The following PCDH15 variants were observed in gnomAD, a reference collection of about 807,000 sequenced individuals.
PCDH15 encodes the protein protocadherin-15.
In PCDH15, 129 loss-of-function variants were observed where a neutral mutation model predicts 178.5. The ratio of observed to expected loss-of-function variants is 0.72; its 90% CI spans 0.63 to 0.84. PCDH15 has a LOEUF of 0.84. Ranked by LOEUF, PCDH15 falls within the 40% of genes least tolerant of loss-of-function variation. The pLI, the probability that PCDH15 is intolerant of heterozygous loss-of-function variation, is 0.00. For synonymous variants in PCDH15, 800 were observed against 732.0 expected, an observed-to-expected ratio of 1.09 and a Z score of -1.50; for missense variants, 2,230 against 2,099.9, an observed-to-expected ratio of 1.06 and a Z score of -1.21.
chr10:55,241,635 C>T (rs1054487195), intron 1 of PCDH15, among the ~76,000 whole-genome samples: 7 of 152,070 alleles, frequency 4.6e-5, no homozygotes, highest in African/African-American at 1.7e-4. Context: ...GTTGCTCAGG[C>T]TGGTCTCAAA....
intron 32 of PCDH15, chr10:53,821,739 C>G: frequency 6.5e-7 from 1 of 1,533,976 alleles, no homozygotes; most frequent in Non-Finnish European, 8.7e-7. Flanking sequence ...AGAAAAAAAA[C>G]TGCATTTCAT....
At chr10:53,887,671 G>A (rs2610861) in intron 26 of PCDH15, among the ~76,000 whole-genome samples, 1,863 of 152,148 alleles carry the variant, frequency 0.012, 30 homozygotes, top group African/African-American at 0.042. Flanking sequence ...GGCGGATCAC[G>A]AGGTCAGGAG....
At chr10:55,275,608 T>C (rs1842571681) in intron 1 of PCDH15, among the ~76,000 whole-genome samples, 1 of 151,946 alleles carries the variant, frequency 6.6e-6, no homozygotes, top group Admixed American at 6.6e-5. Flanking sequence ...TTCTTTTTTG[T>C]TTCATTGAAC....
At chr10:54,669,357 T>G (rs920892116) in intron 1 of PCDH15, among the ~76,000 whole-genome samples, 1 of 151,438 alleles carries the variant, frequency 6.6e-6, no homozygotes, top group South Asian at 2.1e-4. Flanking sequence ...TGTATAAGTT[T>G]ATATCATATA....
At chr10:55,036,294 C>G (rs1840732287) in intron 2 of PCDH15, among the ~76,000 whole-genome samples, 1 of 152,132 alleles carries the variant, frequency 6.6e-6, no homozygotes, top group Admixed American at 6.6e-5. Flanking sequence ...TACAAATTAC[C>G]TAGACTGTAG....
At chr10:55,418,354 G>T (rs927725540) in intron 2 of PCDH15, among the ~76,000 whole-genome samples, 1 of 151,700 alleles carries the variant, frequency 6.6e-6, no homozygotes, top group Non-Finnish European at 1.5e-5. Flanking sequence ...GAAAGTCAGG[G>T]CACTGATACT....
At chr10:55,597,872 G>A (rs61569268) in intron 2 of PCDH15, among the ~76,000 whole-genome samples, 47,672 of 151,738 alleles carry the variant, frequency 0.31, 7,701 homozygotes, top group African/African-American at 0.39. Flanking sequence ...AGATGGGTCC[G>A]CAAAACCCCA....
At chr10:55,427,139 C>T (rs1838777099) in intron 2 of PCDH15, among the ~76,000 whole-genome samples, 1 of 152,168 alleles carries the variant, frequency 6.6e-6, no homozygotes, top group Non-Finnish European at 1.5e-5. Context: ...CTCCCTGCCT[C>T]CTGTCCCTAT....
chr10:54,272,906 C>T (rs2058130260), intron 8 of PCDH15, among the ~76,000 whole-genome samples: 1 of 151,986 alleles, frequency 6.6e-6, no homozygotes, highest in African/African-American at 2.4e-5. Flanking sequence ...AGAATATTTT[C>T]TAAAAAATGA....
At chr10:55,222,384 T>C (rs1054732720) in intron 1 of PCDH15, among the ~76,000 whole-genome samples, 1 of 151,934 alleles carries the variant, frequency 6.6e-6, no homozygotes, top group Non-Finnish European at 1.5e-5. Context: ...AAAATACATG[T>C]CAAACTTTGT....
At chr10:55,034,879 T>A (rs1259787712) in intron 2 of PCDH15, among the ~76,000 whole-genome samples, 1 of 152,156 alleles carries the variant, frequency 6.6e-6, no homozygotes, top group East Asian at 1.9e-4. Context: ...TTCATATAAA[T>A]ATCTAACATT....
intron 18 of PCDH15, among the ~76,000 whole-genome samples, chr10:54,029,802 T>A (rs1057060150): frequency 2.0e-5 from 3 of 152,164 alleles, no homozygotes; most frequent in Admixed American, 1.3e-4. Flanking sequence ...AATGGTCTGT[T>A]ACACAATTCT....
At chr10:55,017,464 A>T (rs1460938051) in intron 2 of PCDH15, among the ~76,000 whole-genome samples, 2 of 152,180 alleles carry the variant, frequency 1.3e-5, no homozygotes, top group African/African-American at 4.8e-5. Context: ...TAAGTTCAGT[A>T]TCTCCAGAGA....
intron 1 of PCDH15, among the ~76,000 whole-genome samples, chr10:54,714,264 T>C (rs766160423): frequency 3.9e-5 from 6 of 152,124 alleles, no homozygotes; most frequent in Non-Finnish European, 7.4e-5. Context: ...CTGGTGTCTC[T>C]AAACAGCTCC....
intron 3 of PCDH15, among the ~76,000 whole-genome samples, chr10:54,501,339 T>C (rs11004340): frequency 0.16 from 23,913 of 151,932 alleles, 2,103 homozygotes; most frequent in East Asian, 0.35. Flanking sequence ...TTTGAGAATA[T>C]TGGGAAATAA....
chr10:55,162,543 T>C (rs1279906515), intron 2 of PCDH15, among the ~76,000 whole-genome samples: 2 of 152,170 alleles, frequency 1.3e-5, no homozygotes, highest in East Asian at 3.9e-4. Context: ...AAATTGCCCT[T>C]AGTCATTCCT....
chr10:55,023,291 C>T (rs182657938), intron 2 of PCDH15, among the ~76,000 whole-genome samples: 1 of 152,252 alleles, frequency 6.6e-6, no homozygotes, highest in East Asian at 1.9e-4. Context: ...ATAATGGTAA[C>T]TTAAGTGTGT....
intron 2 of PCDH15, among the ~76,000 whole-genome samples, chr10:55,028,843 A>G (rs1471728372): frequency 6.6e-6 from 1 of 152,062 alleles, no homozygotes; most frequent in Non-Finnish European, 1.5e-5. Flanking sequence ...AGATAACTAC[A>G]TATCACCAAC....
chr10:55,418,712 A>G (rs1838546516), intron 2 of PCDH15, among the ~76,000 whole-genome samples: 1 of 151,862 alleles, frequency 6.6e-6, no homozygotes, highest in South Asian at 2.1e-4. Flanking sequence ...ATATGACAAT[A>G]TAAGAATTTA....
Sources: gnomAD v4.1 joint callset for allele counts (sites outside exome capture counted in the v4.1 genomes callset) on GRCh38, gnomAD v4.1.1 for gene constraint, MANE v1.5 for transcripts, NCBI Gene and HGNC (gene_info 2026-07-23, HGNC 2026-07-21) for gene names.